The following MAPK11 variants were observed in gnomAD, a reference collection of about 807,000 sequenced individuals.
The protein encoded by MAPK11 is mitogen-activated protein kinase 11.
MAPK11 carries 44 observed loss-of-function variants against 52.2 expected under a neutral mutation model. The ratio of observed to expected loss-of-function variants is 0.84; its 90% CI spans 0.66 to 1.08. MAPK11 has a LOEUF of 1.08. Among genes scored for constraint, MAPK11 ranks in the 50% least tolerant of loss-of-function variants. The pLI is 0.00. For missense variants in MAPK11, 436 were observed against 494.7 expected (o/e 0.88, Z 1.13); for synonymous variants, 233 against 206.3 (o/e 1.13, Z -1.11).
intron 4 of MAPK11, 35 bp downstream of exon 4, chr22:50,267,336 C>T (rs748017350): frequency 6.3e-7 from 1 of 1,591,428 alleles, no homozygotes; most frequent in South Asian, 1.1e-5. Context: ...GCCCGCCCCC[C>T]TGCGAGAGGA....
intron 1 of MAPK11, among the ~76,000 whole-genome samples, 180 bp from the exon 2 acceptor site, chr22:50,268,129 C>T (rs1269135190): frequency 2.6e-5 from 4 of 152,250 alleles, no homozygotes; most frequent in Non-Finnish European, 5.9e-5. Flanking sequence ...TCCGCGCTTG[C>T]TGGGAAGGAG....
At chr22:50,266,733 C>T (rs1443773989) in intron 7 of MAPK11, 122 bp from the exon 8 acceptor site, 1 of 1,073,930 alleles carries the variant, frequency 9.3e-7, no homozygotes, top group South Asian at 1.3e-5. Flanking sequence ...CCCAACCCCC[C>T]TAGGCAGGGG....
chr22:50,268,128 G>T (rs780485985), intron 1 of MAPK11, among the ~76,000 whole-genome samples, 179 bp from the exon 2 acceptor site: 3 of 152,232 alleles, frequency 2.0e-5, no homozygotes, highest in Non-Finnish European at 4.4e-5. Context: ...CTCCGCGCTT[G>T]CTGGGAAGGA....
In MAPK11 at chr22:50,267,320, C is replaced by A. The variant is rs200277109; in HGVS notation, c.418-34G>T. 6.1e-6 allele frequency: 9 copies of A among 1,478,284 alleles called. No individual in the cohort carries two copies. The Admixed American group carries it at 1.6e-4, about 26-fold the overall frequency. 91.6% of individuals were successfully genotyped at this position (1,478,284 alleles called of 1,614,324 possible). A position where few individuals can be genotyped will look rare whatever the true frequency, so the allele number is the denominator to read the frequency against. ...GGGGGATTGTGGTGAGCGCCGGGCC[C>A]GGCCCGCCCGCCCCCCTGCGAGAGG... On this transcript the variant is annotated intron_variant, in intron 4 of 11. Coordinates refer to ENST00000330651, the MANE Select transcript of MAPK11 (RefSeq NM_002751.7).
At chr22:50,268,041 C>T (rs1601654564) in intron 1 of MAPK11, 92 bp from the exon 2 acceptor site, 4 of 1,077,576 alleles carry the variant, frequency 3.7e-6, no homozygotes, top group African/African-American at 1.7e-5. Context: ...GCCGCTTCTC[C>T]GTGGGGATGG....
At chr22:50,266,465 A>C (rs960612778) in intron 8 of MAPK11, 75 bp downstream of exon 8, 6 of 1,434,560 alleles carry the variant, frequency 4.2e-6, no homozygotes, top group Non-Finnish European at 4.7e-6. Context: ...GACCCGCCAG[A>C]AGGGGCCAGC....
In MAPK11 at chr22:50,267,303, G is replaced by A; in HGVS notation, c.418-17C>T. Reference sequence around the variant, plus strand: ...GTGGATGTACTGCGGGAGGGGGATTGTGGTGAGCGCCGGGCCCGGCCCGCC... The same window carrying A: ...GTGGATGTACTGCGGGAGGGGGATTATGGTGAGCGCCGGGCCCGGCCCGCC... On this transcript the variant is annotated splice_polypyrimidine_tract_variant and intron_variant, in intron 4 of 11. Transcript: ENST00000330651. 6.3e-7 allele frequency: 1 copy of A among 1,596,322 alleles called. No individual in the cohort carries two copies. Among genetic ancestry groups the A allele is most frequent in the Non-Finnish European group, 8.5e-7 (1 of 1,173,074 alleles).
chr22:50,269,624 C>G (rs1372837471), intron 1 of MAPK11, among the ~76,000 whole-genome samples: 2 of 152,140 alleles, frequency 1.3e-5, no homozygotes, highest in East Asian at 3.9e-4. Context: ...TGTCGTCTTC[C>G]TGGGCCCCAG....
At chr22:50,268,516 G>A (rs938187715) in intron 1 of MAPK11, among the ~76,000 whole-genome samples, 9 of 152,272 alleles carry the variant, frequency 5.9e-5, no homozygotes, top group East Asian at 3.9e-4. Context: ...TACAGCTGAG[G>A]GCGTCAGCTG....
At position 50,267,301 on chromosome 22, in the gene MAPK11, T is replaced by C. The variant is rs148397210; in HGVS notation, c.418-15A>G. ...GAGTGGATGTACTGCGGGAGGGGGA[T>C]TGTGGTGAGCGCCGGGCCCGGCCCG... On this transcript the variant is annotated splice_polypyrimidine_tract_variant and intron_variant, in intron 4 of 11. Transcript: ENST00000330651. 69 of 1,598,020 alleles carry C rather than the reference T, an allele frequency of 4.3e-5. No homozygotes were observed. Among genetic ancestry groups the C allele is most frequent in the South Asian group, 2.1e-4 (19 of 89,100 alleles).
Position 50,267,851 on chromosome 22 carries a change from A to G in MAPK11, c.215T>C (p.Leu72Pro), listed in dbSNP as rs2065278604. The G allele has an allele frequency of 6.3e-7, 1 of 1,579,328 alleles. No individual in the cohort carries two copies. Among genetic ancestry groups the G allele is most frequent in the Non-Finnish European group, 8.6e-7 (1 of 1,166,176 alleles). ...GTGCTTCAGGTGCTTGAGCAGCCGC[A>G]GCTCCCGGTACGTTCTGCGCGCGTG... is the stretch of plus-strand genomic sequence containing the variant. ...LIHARRTYRE[L>P]RLLKHLKHEN... is the part of the protein sequence containing the mutation. Residue 72 changes from leucine to proline, a missense_variant, in exon 2 of 12, where the codon CTG becomes CCG. Transcript: ENST00000330651.
At chr22:50,265,139 A>G in intron 11 of MAPK11, 112 bp from the exon 12 acceptor site, 2 of 1,100,824 alleles carry the variant, frequency 1.8e-6, no homozygotes, top group Non-Finnish European at 2.6e-6. Context: ...CAGCAGCCTC[A>G]GCACAGTCTG....
chr22:50,267,614 A>G lies in MAPK11; in HGVS notation c.260T>C (p.Leu87Pro). 1.9e-6 allele frequency: 3 copies of G among 1,542,356 alleles called. No homozygotes were observed. Among genetic ancestry groups the G allele is most frequent in the South Asian group, 1.2e-5 (1 of 83,962 alleles). Residue 87 changes from leucine (L) to proline (P), a missense_variant, in exon 3 of 12, where the codon CTG becomes CCG. Physicochemically the swap from Leu to Pro is moderately conservative, Grantham distance 98 (BLOSUM62 -3). Transcript: ENST00000330651. ...HLKHENVIGL[L>P]DVFTPATSIE... ...GGACGTGGCCGGCGTGAAGACGTCC[A>G]GAAGCCCGATGACCTAGGTGGCGGG...
At chr22:50,268,080 G>T in intron 1 of MAPK11, 131 bp from the exon 2 acceptor site, 1 of 1,099,216 alleles carries the variant, frequency 9.1e-7, no homozygotes, top group Non-Finnish European at 1.2e-6. Context: ...CCCCGGCCCC[G>T]CCGCCCCAGC....
intron 11 of MAPK11, 52 bp from the exon 12 acceptor site, chr22:50,265,079 C>T: frequency 6.7e-7 from 1 of 1,499,210 alleles, no homozygotes; most frequent in Non-Finnish European, 9.2e-7. Context: ...CCCGGCCCCT[C>T]ACCTGCTTGT....
At chr22:50,269,402 A>AC (rs1288382515) in intron 1 of MAPK11, among the ~76,000 whole-genome samples, 1 of 151,896 alleles carries the variant, frequency 6.6e-6, no homozygotes, top group South Asian at 2.1e-4. Context: ...CCCCACCAGG[A>AC]CCCCCCAGTG....
chr22:50,266,157 C>T, intron 9 of MAPK11, 69 bp downstream of exon 9: 2 of 1,308,994 alleles, frequency 1.5e-6, no homozygotes, highest in Admixed American at 2.2e-5. Context: ...TTCCACACCA[C>T]CCTCTCCCCC....
intron 1 of MAPK11, 44 bp from the exon 2 acceptor site, chr22:50,267,993 G>A: frequency 2.0e-6 from 3 of 1,490,566 alleles, no homozygotes; most frequent in Non-Finnish European, 2.7e-6. Context: ...GGGTCCGAGG[G>A]CGGCCGCACG....
At chr22:50,269,780 C>G (rs967163226) in intron 1 of MAPK11, among the ~76,000 whole-genome samples, 1 of 152,194 alleles carries the variant, frequency 6.6e-6, no homozygotes, top group African/African-American at 2.4e-5. Context: ...GGAGGGTCAT[C>G]CGCTAGACCC....
Sources: gnomAD v4.1 joint callset for allele counts (sites outside exome capture counted in the v4.1 genomes callset) on GRCh38, gnomAD v4.1.1 for gene constraint, MANE v1.5 for transcripts, NCBI Gene and HGNC (gene_info 2026-07-23, HGNC 2026-07-21) for gene names.